Variants in DLG4 observed in about 807,000 individuals in gnomAD.
The protein encoded by DLG4 is disks large homolog 4.
A neutral mutation model predicts 93.8 loss-of-function variants in DLG4; 7 were observed. The ratio of observed to expected loss-of-function variants is 0.07; its 90% CI spans 0.04 to 0.14. The LOEUF is 0.14. DLG4 is among the 10% of genes least tolerant of loss of function. DLG4 has a pLI of 1.00. For missense variants in DLG4, 545 were observed against 992.9 expected (o/e 0.55, Z 6.06); for synonymous variants, 341 against 387.6 (o/e 0.88, Z 1.41).
At chr17:7,213,742 G>A (rs1319154694) in intron 1 of DLG4, 2 of 470,692 alleles carry the variant, frequency 4.2e-6, no homozygotes, top group East Asian at 6.9e-5. Context: ...TCCTCAAATC[G>A]GCTGACTTCT....
Position 7,196,779 on chromosome 17 carries a change from C to T in DLG4, c.1061G>A (p.Arg354Gln), listed in dbSNP as rs753514535. The T allele has an allele frequency of 6.2e-6, 10 of 1,609,240 alleles. No homozygotes were observed. The highest frequency in any genetic ancestry group is 1.7e-5 in the Admixed American group (1 of 59,422). The change falls in exon 9 of 20, where the codon CGG becomes CAG. Residue 354 changes from arginine to glutamine, a missense_variant. This residue lies in a region of DLG4 where 428 missense variants were observed against 741.4 expected (regional missense o/e 0.58). Transcript: ENST00000399506. This position sits in a 1 kb window ranked among gnomAD's most constrained non-coding sequence, Gnocchi z 8.3. ...CACCGACAGGATCTGGTCCCCCTTC[C>T]GCAGCTCCCCACTGAGGTCTGCAGG... ...GGPADLSGEL[R>Q]KGDQILSVNG...
In DLG4 at chr17:7,191,497, GGGCCACA is replaced by G; in HGVS notation, c.1977-146_1977-140del. ...AAAATACAATTCCCAATATCCTCTGGGGCCACAGATGAGAACCACCCCCCACCCCCCT... is the reference window on the plus strand; with the variant it reads ...AAAATACAATTCCCAATATCCTCTGGGATGAGAACCACCCCCCACCCCCCT... On this transcript the variant is annotated intron_variant, in intron 18 of 19. Coordinates refer to ENST00000399506, the MANE Select transcript of DLG4 (RefSeq NM_001321075.3). This position sits in a 1 kb window ranked among gnomAD's most constrained non-coding sequence, Gnocchi z 6.6. The G allele has an allele frequency of 1.3e-6, 1 of 753,010 alleles. No homozygotes were observed. The highest frequency in any genetic ancestry group is 2.7e-5 in the East Asian group (1 of 37,196). The allele number at this position is 753,010 out of a possible 1,614,324, so 46.6% of individuals were successfully genotyped here.
intron 17 of DLG4, 125 bp from the exon 18 acceptor site, chr17:7,192,127 G>A (rs2069534952): frequency 1.9e-6 from 1 of 514,742 alleles, no homozygotes; most frequent in Non-Finnish European, 3.4e-6. Context: ...GAGTGACATG[G>A]ATGTCAAGAA....
intron 8 of DLG4, among the ~76,000 whole-genome samples, chr17:7,201,455 C>T (rs2142872967): frequency 6.6e-6 from 1 of 152,212 alleles, no homozygotes; most frequent in East Asian, 1.9e-4. Flanking sequence ...GCTTAATATC[C>T]CACAAGGCAC....
intron 8 of DLG4, among the ~76,000 whole-genome samples, chr17:7,199,602 C>A (rs1490078391): frequency 1.3e-5 from 2 of 152,110 alleles, no homozygotes; most frequent in African/African-American, 4.8e-5. Context: ...TGTGTCTTTG[C>A]TGAGACCCTA....
In DLG4 at chr17:7,191,191, G is replaced by C; in HGVS notation, c.2068+76C>G. ...GGCACCTCTTTCTAAGCCATCCACT[G>C]GGGGTGGCGGGGGAGCTCTTTCTAA... is the stretch of plus-strand genomic sequence containing the variant. On this transcript the variant is annotated intron_variant, in intron 19 of 19. Transcript: ENST00000399506. The surrounding 1 kb of genome is among the most constrained non-coding windows in gnomAD (Gnocchi z 6.6). 7.0e-7 allele frequency: 1 copy of C among 1,421,672 alleles called. No individual in the cohort carries two copies. Among genetic ancestry groups the C allele is most frequent in the Non-Finnish European group, 9.9e-7 (1 of 1,012,578 alleles). 88.1% of individuals were successfully genotyped at this position (1,421,672 alleles called of 1,614,324 possible).
At position 7,203,180 on chromosome 17, in the gene DLG4, A is replaced by C. The variant is rs2070247221; in HGVS notation, c.642+13T>G. The C allele has an allele frequency of 6.3e-7, 1 of 1,587,006 alleles. No individual in the cohort carries two copies. The highest frequency in any genetic ancestry group is 1.7e-5 in the Admixed American group (1 of 59,032). On this transcript the variant is annotated intron_variant, in intron 7 of 19. Coordinates refer to ENST00000399506, the MANE Select transcript of DLG4 (RefSeq NM_001321075.3). This position sits in a 1 kb window ranked among gnomAD's most constrained non-coding sequence, Gnocchi z 7.2. ...AAATCTGGGCTAGAAAATGGGCTAG[A>C]TGGAGTCCTCACCGCCAGGATCTTG...
chr17:7,195,898 C>A lies in DLG4; in HGVS notation c.1301+322G>T, dbSNP rs1223689131. 2.6e-5 allele frequency among the ~76,000 whole-genome samples: 4 copies of A among 152,218 alleles called. No homozygotes were observed. The East Asian group carries it at 7.7e-4, about 29-fold the overall frequency. On this transcript the variant is annotated intron_variant, in intron 11 of 19. Coordinates refer to ENST00000399506, the MANE Select transcript of DLG4 (RefSeq NM_001321075.3). This position sits in a 1 kb window ranked among gnomAD's most constrained non-coding sequence, Gnocchi z 4.3. ...AAGGCTGGGGCAACACTCCAAATAC[C>A]CTAGAGGACCCTGCTTCACCAAGCA...
In DLG4 at chr17:7,194,396, A is replaced by G. The variant is rs1321638754; in HGVS notation, c.1401T>C (p.Asp467=). The G allele has an allele frequency of 1.9e-6, 3 of 1,613,074 alleles. No homozygotes were observed. The highest frequency in any genetic ancestry group is 2.7e-5 in the African/African-American group (2 of 75,032). The change falls in exon 12 of 20, where the codon GAT becomes GAC. Residue 467 remains aspartate (D), a synonymous_variant. Coordinates refer to ENST00000399506, the MANE Select transcript of DLG4 (RefSeq NM_001321075.3). This position sits in a 1 kb window ranked among gnomAD's most constrained non-coding sequence, Gnocchi z 4.4. ...CCCGCCGTGCCTGCCACCACTCCTC[A>G]TCACTAGCATCGATGACATGCAGCA... ...GDVLHVIDAS[D]EEWWQARRVH... is the part of the protein sequence containing the mutation.
chr17:7,215,201 T>C (rs1331261222), intron 1 of DLG4, among the ~76,000 whole-genome samples: 1 of 152,028 alleles, frequency 6.6e-6, no homozygotes, highest in African/African-American at 2.4e-5. Context: ...GGCTGACAAG[T>C]TTTCCAGCCA....
intron 2 of DLG4, among the ~76,000 whole-genome samples, chr17:7,206,362 CCT>C (rs1183124232): frequency 2.0e-5 from 3 of 152,088 alleles, no homozygotes; most frequent in African/African-American, 7.2e-5. Context: ...AATCAACTCC[CCT>C]CTCTTCTGAA....
chr17:7,203,763 G>A lies in DLG4; in HGVS notation c.264C>T (p.Ile88=), dbSNP rs763705867. 5.0e-6 allele frequency: 8 copies of A among 1,613,896 alleles called. No homozygotes were observed. The highest frequency in any genetic ancestry group is 2.2e-5 in the East Asian group (1 of 44,860). The change falls in exon 5 of 20, where the codon ATC becomes ATT. Residue 88 remains isoleucine (I), a synonymous_variant. Transcript: ENST00000399506. This position sits in a 1 kb window ranked among gnomAD's most constrained non-coding sequence, Gnocchi z 7.2. ...TGATGAAAATGGATGGGTCGTCACC[G>A]ATGTGTGGGTTGTCAGTGCCACCTG... is the stretch of plus-strand genomic sequence containing the variant. The part of the protein sequence containing the change: ...SIAGGTDNPH[I]GDDPSIFITK...
chr17:7,219,558 T>C, upstream of DLG4: 2 of 1,104,594 alleles, frequency 1.8e-6, no homozygotes, highest in Non-Finnish European at 2.2e-6. Flanking sequence ...CCCTAGAGTC[T>C]GTCTTTCCAT....
At position 7,194,008 on chromosome 17, in the gene DLG4, A is replaced by G. The variant is rs974617356; in HGVS notation, c.1479-8T>C. ...CACTCTCGTCGCTCAACCCTGTGGGATACATGGAGGGATACGCGGGTAGGG... is the reference window on the plus strand; with the variant it reads ...CACTCTCGTCGCTCAACCCTGTGGGGTACATGGAGGGATACGCGGGTAGGG... On this transcript the variant is annotated splice_polypyrimidine_tract_variant and splice_region_variant and intron_variant, in intron 12 of 19. Coordinates refer to ENST00000399506, the MANE Select transcript of DLG4 (RefSeq NM_001321075.3). The surrounding 1 kb of genome is among the most constrained non-coding windows in gnomAD (Gnocchi z 4.4). 1.2e-6 allele frequency: 2 copies of G among 1,613,456 alleles called. No individual in the cohort carries two copies. Among genetic ancestry groups the G allele is most frequent in the Admixed American group, 1.7e-5 (1 of 59,956 alleles).
chr17:7,209,151 C>G (rs1456284065), intron 1 of DLG4, among the ~76,000 whole-genome samples: 1 of 152,172 alleles, frequency 6.6e-6, no homozygotes, highest in Non-Finnish European at 1.5e-5. Context: ...TCCCTCTGCT[C>G]TTTTGGGGTG....
At chr17:7,213,489 CT>C (rs2070789822) in intron 1 of DLG4, among the ~76,000 whole-genome samples, 1 of 152,102 alleles carries the variant, frequency 6.6e-6, no homozygotes, top group South Asian at 2.1e-4. Context: ...TGAATTCCAA[CT>C]TTGTCGGAAG....
chr17:7,191,947 G>T lies in DLG4; in HGVS notation c.1922C>A (p.Ala641Asp). Residue 641 changes from alanine (A) to aspartate (D), a missense_variant, in exon 18 of 20, where the codon GCC (alanine) becomes GAC (aspartate). By Grantham distance (126) the Ala-to-Asp change is moderately radical. Transcript: ENST00000399506. This position sits in a 1 kb window ranked among gnomAD's most constrained non-coding sequence, Gnocchi z 6.6. ...SANAVRRLQA[A>D]HLHPIAIFIR... ...GAAGATGGCGATGGGGTGCAGGTGG[G>T]CCGCCTGCAGCCGCCGCACGGCATT... 6.7e-7 allele frequency: 1 copy of T among 1,487,064 alleles called. No homozygotes were observed. Among genetic ancestry groups the T allele is most frequent in the South Asian group, 1.4e-5 (1 of 71,896 alleles). The allele number at this position is 1,487,064 out of a possible 1,614,324, so 92.1% of individuals were successfully genotyped here. A position where few individuals can be genotyped will look rare whatever the true frequency, so the allele number is the denominator to read the frequency against.
In DLG4 at chr17:7,194,599, T is replaced by C. The variant is rs1238372374; in HGVS notation, c.1302-104A>G. The C allele has an allele frequency of 1.6e-6, 2 of 1,273,926 alleles. No homozygotes were observed. Among genetic ancestry groups the C allele is most frequent in the Middle Eastern group, 2.6e-4 (1 of 3,896 alleles). The allele number at this position is 1,273,926 out of a possible 1,614,324, so 78.9% of individuals were successfully genotyped here. On this transcript the variant is annotated intron_variant, in intron 11 of 19. Transcript: ENST00000399506. This position sits in a 1 kb window ranked among gnomAD's most constrained non-coding sequence, Gnocchi z 4.4. ...CAGAGGTCTGCAGATGGCACTCCCA[T>C]GGGAGCTATGGATGCCGAGGAACCC...
At chr17:7,201,796 A>T (rs1192766302) in intron 8 of DLG4, among the ~76,000 whole-genome samples, 1 of 152,156 alleles carries the variant, frequency 6.6e-6, no homozygotes, top group African/African-American at 2.4e-5. Context: ...CAGCAGAATC[A>T]CTTGAACCTG....
Sources: allele counts gnomAD v4.1 joint callset (sites outside exome capture counted in the v4.1 genomes callset), GRCh38; gene constraint gnomAD v4.1.1; regional missense constraint gnomAD v4.1.1; non-coding constraint Gnocchi (gnomAD v3.1); transcripts MANE v1.5; gene names NCBI Gene and HGNC (gene_info 2026-07-23, HGNC 2026-07-21).